Variants in STK39 observed in about 807,000 individuals in gnomAD.
The protein encoded by STK39 is STE20/SPS1-related proline-alanine-rich protein kinase.
A neutral mutation model predicts 77.8 loss-of-function variants in STK39; 20 were observed. The observed-to-expected ratio is 0.26, with a 90% CI of 0.18 to 0.37. The LOEUF is 0.37. STK39 is among the 10% of genes least tolerant of loss of function. The pLI, the probability that STK39 is intolerant of heterozygous loss-of-function variation, is 1.00. For missense variants in STK39, 479 were observed against 656.5 expected (o/e 0.73, Z 2.95); for synonymous variants, 246 against 234.1 (o/e 1.05, Z -0.47).
chr2:168,160,095 C>T (rs929651926), intron 5 of STK39, among the ~76,000 whole-genome samples: 3 of 152,146 alleles, frequency 2.0e-5, no homozygotes, highest in South Asian at 2.1e-4. Flanking sequence ...GGGAGAGGCT[C>T]GGATCATTAA....
At chr2:168,048,515 C>G (rs1453884485) in intron 14 of STK39, among the ~76,000 whole-genome samples, 1 of 151,840 alleles carries the variant, frequency 6.6e-6, no homozygotes, top group Non-Finnish European at 1.5e-5. Flanking sequence ...CCCGGCCCGG[C>G]CCGGCCTATG....
chr2:168,242,128 G>A (rs1390803894), intron 1 of STK39, among the ~76,000 whole-genome samples: 2 of 152,078 alleles, frequency 1.3e-5, no homozygotes, highest in Non-Finnish European at 2.9e-5. Context: ...GAGAGATCTT[G>A]AGATCTCTCC....
chr2:168,204,488 G>T (rs1031440055), intron 1 of STK39, among the ~76,000 whole-genome samples: 1 of 152,204 alleles, frequency 6.6e-6, no homozygotes, highest in Non-Finnish European at 1.5e-5. Context: ...CTCAACCCCT[G>T]CCCAGGGAAG....
intron 2 of STK39, among the ~76,000 whole-genome samples, chr2:168,169,213 G>A (rs916584732): frequency 3.9e-5 from 6 of 152,016 alleles, no homozygotes; most frequent in Non-Finnish European, 8.8e-5. Flanking sequence ...ATCTGTTTCC[G>A]GTATTAGGTT....
In STK39 at chr2:168,072,529, G is replaced by A. The variant is rs776017069; in HGVS notation, c.1242+2453C>T. ...ACCACATAATTTACTTACTTATTAA[G>A]GCTATTATATATTGTTTACCTACTC... On this transcript the variant is annotated intron_variant, in intron 12 of 17. Coordinates refer to ENST00000355999, the MANE Select transcript of STK39 (RefSeq NM_013233.3). Among the ~76,000 whole-genome samples the A allele has an allele frequency of 9.9e-4, 150 of 152,056 alleles. 2 individuals are homozygous for A. Among genetic ancestry groups the A allele is most frequent in the Non-Finnish European group, 7.8e-4 (53 of 68,026 alleles).
chr2:168,142,004 A>G (rs370643869), intron 5 of STK39, among the ~76,000 whole-genome samples: 1 of 152,238 alleles, frequency 6.6e-6, no homozygotes, highest in East Asian at 1.9e-4. Context: ...AATAAAAGGA[A>G]TGAAAATTGA....
chr2:167,979,294 G>A (rs1308054560), intron 16 of STK39, among the ~76,000 whole-genome samples: 1 of 152,130 alleles, frequency 6.6e-6, no homozygotes, highest in Non-Finnish European at 1.5e-5. Flanking sequence ...ATTCCCACCG[G>A]CAGTGTATGA....
chr2:168,172,223 TC>T (rs1688847010), intron 2 of STK39, among the ~76,000 whole-genome samples: 1 of 152,200 alleles, frequency 6.6e-6, no homozygotes, highest in African/African-American at 2.4e-5. Context: ...CGTGTGAGCA[TC>T]GCCCTAATCT....
intron 1 of STK39, among the ~76,000 whole-genome samples, chr2:168,200,742 T>C (rs527659605): frequency 6.6e-6 from 1 of 151,920 alleles, no homozygotes; most frequent in South Asian, 2.1e-4. Flanking sequence ...ATCTATTCTG[T>C]TAAACACGTT....
chr2:168,168,195 T>C (rs1688735774), intron 2 of STK39, among the ~76,000 whole-genome samples: 1 of 152,150 alleles, frequency 6.6e-6, no homozygotes, highest in African/African-American at 2.4e-5. Flanking sequence ...AAAATATATT[T>C]TATTCTTTGT....
Position 168,167,361 on chromosome 2 carries a change from G to T in STK39, c.368C>A (p.Thr123Asn), listed in dbSNP as rs1447312073. ...TTTGACCACAAAAGAGGTGTAATAG[G>T]TCACTACGTTGGGATGGCTGCACTG... ...MSQCSHPNVVTYYTSFVVKDE... is the reference protein window; with the variant it reads ...MSQCSHPNVVNYYTSFVVKDE... The change falls in exon 3 of 18, where the codon ACC (threonine) becomes AAC (asparagine). Residue 123 changes from threonine (T) to asparagine (N), a missense_variant. By Grantham distance (65) the Thr-to-Asn change is moderately conservative. Around this residue, in one of 3 missense-constraint regions of STK39, gnomAD observed 139 missense variants for 280.6 expected, o/e 0.50. Transcript: ENST00000355999. 1.2e-6 allele frequency: 2 copies of T among 1,613,618 alleles called. No homozygotes were observed. Among genetic ancestry groups the T allele is most frequent in the Admixed American group, 3.3e-5 (2 of 59,986 alleles).
intron 10 of STK39, among the ~76,000 whole-genome samples, chr2:168,124,514 CT>C: frequency 6.6e-6 from 1 of 152,122 alleles, no homozygotes; most frequent in Non-Finnish European, 1.5e-5. Context: ...GATTCTCCTG[CT>C]CAGCCTCCCG....
intron 1 of STK39, among the ~76,000 whole-genome samples, chr2:168,192,089 T>C (rs1689353815): frequency 1.3e-5 from 2 of 152,114 alleles, no homozygotes; most frequent in African/African-American, 4.8e-5. Context: ...GGAAACCAAT[T>C]ACTGCTGGCA....
chr2:168,036,052 A>G (rs1215457379), intron 14 of STK39, among the ~76,000 whole-genome samples: 1 of 152,172 alleles, frequency 6.6e-6, no homozygotes, highest in East Asian at 1.9e-4. Context: ...GATGGAGGGG[A>G]GAGGAATGAC....
At chr2:168,208,359 A>G (rs1474471609) in intron 1 of STK39, among the ~76,000 whole-genome samples, 2 of 152,166 alleles carry the variant, frequency 1.3e-5, no homozygotes, top group Non-Finnish European at 2.9e-5. Context: ...TCCACATAGC[A>G]CACAAATCAA....
chr2:168,075,099 T>C lies in STK39; in HGVS notation c.1212+10A>G, dbSNP rs1220621197. ...ACACAGATTAGCTCATCGTCAACGA[T>C]GTCATTTACCTTTTCCTGAGAAAAA... is the stretch of plus-strand genomic sequence containing the variant. On this transcript the variant is annotated intron_variant, in intron 11 of 17. Coordinates refer to ENST00000355999, the MANE Select transcript of STK39 (RefSeq NM_013233.3). 6 of 1,614,084 alleles carry C rather than the reference T, an allele frequency of 3.7e-6. No homozygotes were observed. The highest frequency in any genetic ancestry group is 4.2e-6 in the Non-Finnish European group (5 of 1,180,048).
In STK39 at chr2:168,062,076, A is replaced by G. The variant is rs181066238; in HGVS notation, c.1376+1424T>C. 2.8e-3 allele frequency among the ~76,000 whole-genome samples: 428 copies of G among 152,300 alleles called. 2 individuals are homozygous for G. Among genetic ancestry groups the G allele is most frequent in the African/African-American group, 9.7e-3 (402 of 41,568 alleles). On this transcript the variant is annotated intron_variant, in intron 14 of 17. Coordinates refer to ENST00000355999, the MANE Select transcript of STK39 (RefSeq NM_013233.3). Reference sequence around the variant, plus strand: ...GCTTTAGTATGCACAGAAGCTAGGTAAACATCCAGCAGAGACACTAAAAAA... The same window carrying G: ...GCTTTAGTATGCACAGAAGCTAGGTGAACATCCAGCAGAGACACTAAAAAA...
intron 16 of STK39, among the ~76,000 whole-genome samples, chr2:167,981,788 T>A (rs942770117): frequency 1.3e-5 from 2 of 152,226 alleles, no homozygotes; most frequent in African/African-American, 4.8e-5. Flanking sequence ...ATCTGAAAGA[T>A]CATCCCAATA....
intron 14 of STK39, among the ~76,000 whole-genome samples, chr2:168,027,210 G>A (rs916745299): frequency 1.3e-5 from 2 of 152,010 alleles, no homozygotes; most frequent in Non-Finnish European, 2.9e-5. Flanking sequence ...GCCCGAAATC[G>A]AAGCTCTCCT....
Sources: gnomAD v4.1 joint callset for allele counts (sites outside exome capture counted in the v4.1 genomes callset) on GRCh38, gnomAD v4.1.1 for gene constraint, gnomAD v4.1.1 regional missense constraint, MANE v1.5 for transcripts, NCBI Gene and HGNC (gene_info 2026-07-23, HGNC 2026-07-21) for gene names.